The following ERC2 variants were observed in gnomAD, a reference collection of about 807,000 sequenced individuals.
ERC2 encodes ELKS/RAB6-interacting/CAST family member 2.
Under a neutral mutation model 114.8 loss-of-function variants are expected in ERC2, and 42 were observed. That is an observed-to-expected ratio of 0.37 (90% CI 0.29 to 0.47). ERC2 has a LOEUF of 0.47. Among genes scored for constraint, ERC2 ranks in the 20% least tolerant of loss-of-function variants. The pLI, the probability that ERC2 is intolerant of heterozygous loss-of-function variation, is 0.99. For synonymous variants in ERC2, 454 were observed against 425.5 expected, an observed-to-expected ratio of 1.07 and a Z score of -0.82; for missense variants, 939 against 1,150.7, an observed-to-expected ratio of 0.82 and a Z score of 2.66.
chr3:55,559,314 G>T (rs1301227922), intron 17 of ERC2, among the ~76,000 whole-genome samples: 1 of 152,246 alleles, frequency 6.6e-6, no homozygotes, highest in Non-Finnish European at 1.5e-5. Flanking sequence ...GCTCTGAGAA[G>T]AAAGCACCCA....
intron 14 of ERC2, among the ~76,000 whole-genome samples, chr3:55,770,762 T>A (rs528911247): frequency 1.2e-3 from 183 of 152,298 alleles, no homozygotes; most frequent in African/African-American, 4.2e-3. Flanking sequence ...TCGTTATCTA[T>A]ATTAGGTATT....
At chr3:56,198,711 C>G (rs1285572397) in intron 3 of ERC2, among the ~76,000 whole-genome samples, 2 of 152,180 alleles carry the variant, frequency 1.3e-5, no homozygotes, top group Non-Finnish European at 2.9e-5. Flanking sequence ...GACGTTCAGT[C>G]AAAATATGCC....
intron 17 of ERC2, among the ~76,000 whole-genome samples, chr3:55,538,188 A>T (rs1413994804): frequency 6.6e-6 from 1 of 152,176 alleles, no homozygotes; most frequent in Non-Finnish European, 1.5e-5. Context: ...AACCCGTGAG[A>T]TTTTGCTGGG....
chr3:56,371,897 C>T (rs181512741), intron 2 of ERC2, among the ~76,000 whole-genome samples: 1 of 152,230 alleles, frequency 6.6e-6, no homozygotes, highest in Non-Finnish European at 1.5e-5. Context: ...ACAAATATTA[C>T]CATCTTCTGT....
At chr3:55,984,502 A>G (rs1448127651) in intron 12 of ERC2, among the ~76,000 whole-genome samples, 1 of 152,116 alleles carries the variant, frequency 6.6e-6, no homozygotes, top group East Asian at 1.9e-4. Context: ...GGCAAGGAGA[A>G]AAGCTTGAAG....
At chr3:55,570,407 A>T (rs75947505) in intron 17 of ERC2, among the ~76,000 whole-genome samples, 1 of 152,222 alleles carries the variant, frequency 6.6e-6, no homozygotes, top group African/African-American at 2.4e-5. Flanking sequence ...TCTTATCTCC[A>T]TGGTTGGAGT....
At chr3:56,011,423 C>T (rs62253749) in intron 8 of ERC2, among the ~76,000 whole-genome samples, 16,005 of 152,086 alleles carry the variant, frequency 0.11, 1,112 homozygotes, top group South Asian at 0.23. Context: ...ATAAACAGAA[C>T]GCCTCCCACA....
In ERC2 at chr3:56,173,450, A is replaced by G; in HGVS notation, c.1145T>C (p.Met382Thr). The change falls in exon 4 of 18, where the codon ATG (methionine) becomes ACG (threonine). Residue 382 changes from methionine to threonine, a missense_variant. Met to Thr is a moderately conservative substitution (Grantham distance 81, BLOSUM62 -1). Transcript: ENST00000288221. ...KTKALQTVIE[M>T]KDTKIASLER... is the part of the protein sequence containing the mutation. ...ACAAAAGTGCACAGTTCCTACCTTCATTTCGATGACAGTCTGGAGAGCCTT... is the reference window on the plus strand; with the variant it reads ...ACAAAAGTGCACAGTTCCTACCTTCGTTTCGATGACAGTCTGGAGAGCCTT... 6.2e-7 allele frequency: 1 copy of G among 1,613,906 alleles called. No individual in the cohort carries two copies. The highest frequency in any genetic ancestry group is 2.2e-5 in the East Asian group (1 of 44,876).
intron 1 of ERC2, among the ~76,000 whole-genome samples, chr3:56,464,160 C>T (rs2107587281): frequency 6.6e-6 from 1 of 152,314 alleles, no homozygotes; most frequent in Admixed American, 6.5e-5. Context: ...TTTTTACATG[C>T]TGTTGGAAGC....
chr3:55,932,424 G>A (rs1008453278), intron 13 of ERC2, among the ~76,000 whole-genome samples: 1 of 152,172 alleles, frequency 6.6e-6, no homozygotes, highest in African/African-American at 2.4e-5. Context: ...AACCCTAAGA[G>A]ATGGATATCA....
intron 14 of ERC2, among the ~76,000 whole-genome samples, chr3:55,752,097 GA>G (rs2066740061): frequency 6.6e-6 from 1 of 152,098 alleles, no homozygotes. Context: ...AGGCTTAATG[GA>G]AAAAGAGTAA....
rs546877521 is a variant in ERC2, at chr3:55,525,404, T to C, written c.*40-14128A>G. 1.5e-3 allele frequency among the ~76,000 whole-genome samples: 226 copies of C among 152,056 alleles called. 3 individuals carry two copies. Among genetic ancestry groups the C allele is most frequent in the Non-Finnish European group, 5.4e-4 (37 of 67,996 alleles). On this transcript the variant is annotated intron_variant, in intron 17 of 17. Coordinates refer to ENST00000288221, the MANE Select transcript of ERC2 (RefSeq NM_015576.3). Reference sequence around the variant, plus strand: ...GGGTAAGAAGACAACTGAAATACAATGTGATGTGTGAGTTCATGGGGGCCC... The same window carrying C: ...GGGTAAGAAGACAACTGAAATACAACGTGATGTGTGAGTTCATGGGGGCCC...
chr3:56,164,693 C>G (rs1009605055), intron 4 of ERC2, among the ~76,000 whole-genome samples: 2 of 151,984 alleles, frequency 1.3e-5, no homozygotes, highest in Non-Finnish European at 2.9e-5. Flanking sequence ...GAGGGCTGTA[C>G]CATTTTATGT....
intron 14 of ERC2, among the ~76,000 whole-genome samples, chr3:55,871,278 C>T (rs539353900): frequency 1.3e-5 from 2 of 152,256 alleles, no homozygotes; most frequent in African/African-American, 4.8e-5. Context: ...TTAATTAATG[C>T]TCCAGAGCAA....
chr3:56,257,468 C>T (rs1386733471), intron 3 of ERC2, among the ~76,000 whole-genome samples: 5 of 152,192 alleles, frequency 3.3e-5, no homozygotes, highest in Non-Finnish European at 5.9e-5. Context: ...CTGCCCAATG[C>T]TAAGGCTCCA....
rs142132718 is a variant in ERC2 at position 55,793,153 on chromosome 3, C to T, written c.2565-58235G>A. Among the ~76,000 whole-genome samples, 452 of 152,254 alleles carry T rather than the reference C, an allele frequency of 3.0e-3. 4 individuals carry two copies. The highest frequency in any genetic ancestry group is 0.01 in the African/African-American group (430 of 41,552). Reference sequence around the variant, plus strand: ...AATCTCTGCTCACTGCAAACTCCGCCTCCCAGGTTTAAGGGATTCTCCTGC... The same window carrying T: ...AATCTCTGCTCACTGCAAACTCCGCTTCCCAGGTTTAAGGGATTCTCCTGC... On this transcript the variant is annotated intron_variant, in intron 14 of 17. Coordinates refer to ENST00000288221, the MANE Select transcript of ERC2 (RefSeq NM_015576.3).
chr3:56,286,101 C>T (rs1212373566), intron 3 of ERC2, among the ~76,000 whole-genome samples: 3 of 152,110 alleles, frequency 2.0e-5, no homozygotes, highest in East Asian at 3.9e-4. Flanking sequence ...ATCAAAACTA[C>T]AGATCTAATA....
chr3:55,890,738 C>G (rs1234238102), intron 13 of ERC2, among the ~76,000 whole-genome samples: 1 of 152,232 alleles, frequency 6.6e-6, no homozygotes, highest in Non-Finnish European at 1.5e-5. Flanking sequence ...CTGCTAGTAT[C>G]AGATGAGACG....
chr3:56,065,000 G>T (rs2076406919), intron 7 of ERC2, among the ~76,000 whole-genome samples: 1 of 152,120 alleles, frequency 6.6e-6, no homozygotes, highest in African/African-American at 2.4e-5. Flanking sequence ...AAGTACTAAG[G>T]ATAAAAGAAT....
Sources: allele counts gnomAD v4.1 joint callset (sites outside exome capture counted in the v4.1 genomes callset), GRCh38; gene constraint gnomAD v4.1.1; transcripts MANE v1.5; gene names NCBI Gene and HGNC (gene_info 2026-07-23, HGNC 2026-07-21).